HSPB8: variants seen among roughly 807,000 people sequenced by gnomAD.
The protein encoded by HSPB8 is heat shock protein family B (small) member 8.
A neutral mutation model predicts 16.5 loss-of-function variants in HSPB8; 9 were observed. The ratio of observed to expected loss-of-function variants is 0.55; its 90% CI spans 0.33 to 0.95. The LOEUF is 0.95. HSPB8 is among the 40% of genes least tolerant of loss of function. HSPB8 has a pLI of 0.03. For missense variants in HSPB8, 238 were observed against 251.2 expected (o/e 0.95, Z 0.35); for synonymous variants, 99 against 94.8 (o/e 1.04, Z -0.26).
rs780751241 is a variant in HSPB8, at chr12:119,179,376, C to T, written c.64C>T (p.Arg22Trp). The change falls in exon 1 of 3, where the codon CGG (arginine) becomes TGG (tryptophan). Residue 22 changes from arginine to tryptophan, a missense_variant. Coordinates refer to ENST00000281938, the MANE Select transcript of HSPB8 (RefSeq NM_014365.3). ...YPSRLRRDPFRDSPLSSRLLD... is the reference protein window; with the variant it reads ...YPSRLRRDPFWDSPLSSRLLD... ...AAGCCGCCTGCGCCGAGACCCCTTC[C>T]GGGACTCTCCCCTCTCCTCTCGCCT... is the stretch of plus-strand genomic sequence containing the variant. 2.5e-6 allele frequency: 4 copies of T among 1,614,032 alleles called. No homozygotes were observed. Among genetic ancestry groups the T allele is most frequent in the African/African-American group, 1.3e-5 (1 of 74,940 alleles).
intron 1 of HSPB8, among the ~76,000 whole-genome samples, chr12:119,184,847 T>C (rs1331398030): frequency 6.6e-6 from 1 of 152,222 alleles, no homozygotes; most frequent in Non-Finnish European, 1.5e-5. Flanking sequence ...ATTGGTTAAA[T>C]TAGCTCTTAT....
At chr12:119,192,459 A>G (rs1049932086) in intron 2 of HSPB8, among the ~76,000 whole-genome samples, 10 of 152,168 alleles carry the variant, frequency 6.6e-5, no homozygotes, top group Admixed American at 3.9e-4. Context: ...GTTCGAGACC[A>G]GCCTGGCCAA....
At chr12:119,182,426 G>A (rs949392195) in intron 1 of HSPB8, among the ~76,000 whole-genome samples, 4 of 152,076 alleles carry the variant, frequency 2.6e-5, no homozygotes, top group Admixed American at 2.6e-4. Context: ...ATCGCTTAAG[G>A]TCAGGAGTCT....
intron 2 of HSPB8, among the ~76,000 whole-genome samples, chr12:119,189,921 C>T (rs1246447088): frequency 6.6e-6 from 1 of 152,218 alleles, no homozygotes; most frequent in East Asian, 1.9e-4. Context: ...GACATGCACC[C>T]ATCCCTTCTG....
In HSPB8 at chr12:119,179,695, G is replaced by A; in HGVS notation, c.367+16G>A. On this transcript the variant is annotated intron_variant, in intron 1 of 2. Transcript: ENST00000281938. ...GAGGTGTCTGGTAAGTCAGGGGCAGGAGGGAGAGAGAATGGGGAGGCCGGG... is the reference window on the plus strand; with the variant it reads ...GAGGTGTCTGGTAAGTCAGGGGCAGAAGGGAGAGAGAATGGGGAGGCCGGG... The A allele has an allele frequency of 6.4e-7, 1 of 1,558,140 alleles. No homozygotes were observed. Among genetic ancestry groups the A allele is most frequent in the Non-Finnish European group, 8.6e-7 (1 of 1,156,724 alleles).
intron 1 of HSPB8, among the ~76,000 whole-genome samples, chr12:119,180,525 G>C (rs1261874393): frequency 6.6e-6 from 1 of 152,168 alleles, no homozygotes; most frequent in Non-Finnish European, 1.5e-5. Flanking sequence ...CTGAGGCCTA[G>C]GTGGGACTCG....
Position 119,179,247 on chromosome 12 carries a change from G to C in HSPB8, c.-66G>C. Reference sequence around the variant, plus strand: ...GCTAGCCCAGCCACACCACCTTGTTGTGTGACCTTGGGCAGGTGGTTCTGT... The same window carrying C: ...GCTAGCCCAGCCACACCACCTTGTTCTGTGACCTTGGGCAGGTGGTTCTGT... On this transcript the variant is annotated 5_prime_UTR_variant, in exon 1 of 3. Coordinates refer to ENST00000281938, the MANE Select transcript of HSPB8 (RefSeq NM_014365.3). The C allele has an allele frequency of 1.3e-6, 2 of 1,534,258 alleles. No homozygotes were observed. The highest frequency in any genetic ancestry group is 1.8e-6 in the Non-Finnish European group (2 of 1,112,586).
At chr12:119,182,902 G>A (rs1227592954) in intron 1 of HSPB8, 1 of 152,204 alleles carries the variant, frequency 6.6e-6, no homozygotes, top group East Asian at 1.9e-4. Flanking sequence ...CCCTGGCAGT[G>A]TCTGACATTC....
At chr12:119,180,471 C>T (rs1012013915) in intron 1 of HSPB8, among the ~76,000 whole-genome samples, 1 of 152,286 alleles carries the variant, frequency 6.6e-6, no homozygotes, top group African/African-American at 2.4e-5. Context: ...CATCCTCAGT[C>T]CACTCCAGGG....
At chr12:119,189,451 G>A (rs754788813) in intron 2 of HSPB8, among the ~76,000 whole-genome samples, 19 of 151,992 alleles carry the variant, frequency 1.3e-4, no homozygotes, top group Non-Finnish European at 2.5e-4. Context: ...TGGGCTAGTT[G>A]TTAAAATATT....
chr12:119,193,618 A>T, intron 2 of HSPB8, 81 bp from the exon 3 acceptor site: 1 of 1,496,486 alleles, frequency 6.7e-7, no homozygotes, highest in Non-Finnish European at 9.3e-7. Context: ...TCTTATCAAA[A>T]ATATTTCCTC....
In HSPB8 at chr12:119,194,316, T is replaced by G. The variant is rs1293541782; in HGVS notation, c.*458T>G. ...TGAAACCCAGTAGCTAACCCCACTG[T>G]GCTTCCACATGCCTGGCCTAAAATG... On this transcript the variant is annotated 3_prime_UTR_variant, in exon 3 of 3. Transcript: ENST00000281938. 3.8e-6 allele frequency: 1 copy of G among 261,658 alleles called. No homozygotes were observed. Among genetic ancestry groups the G allele is most frequent in the African/African-American group, 2.2e-5 (1 of 44,674 alleles). 16.2% of individuals were successfully genotyped at this position (261,658 alleles called of 1,614,324 possible).
intron 2 of HSPB8, among the ~76,000 whole-genome samples, chr12:119,193,497 C>T (rs1051656485): frequency 1.3e-5 from 2 of 152,134 alleles, no homozygotes; most frequent in Non-Finnish European, 2.9e-5. Flanking sequence ...CCTCATTTTG[C>T]AGATGAGAAA....
Position 119,192,768 on chromosome 12 carries a change from A to G in HSPB8, c.432-931A>G, listed in dbSNP as rs762550132. On this transcript the variant is annotated intron_variant, in intron 2 of 2. Coordinates refer to ENST00000281938, the MANE Select transcript of HSPB8 (RefSeq NM_014365.3). ...AGACTACATAATTGATATATATATG[A>G]AAAAAAGAGTTTTAATGGACTCACA... 1.7e-3 allele frequency among the ~76,000 whole-genome samples: 252 copies of G among 152,274 alleles called. 1 individual carries two copies. Among genetic ancestry groups the G allele is most frequent in the Non-Finnish European group, 3.2e-3 (215 of 68,020 alleles).
chr12:119,187,007 C>T lies in HSPB8; in HGVS notation c.368-18C>T. 3 of 1,613,520 alleles carry T rather than the reference C, an allele frequency of 1.9e-6. No individual in the cohort carries two copies. The highest frequency in any genetic ancestry group is 2.5e-6 in the Non-Finnish European group (3 of 1,179,526). ...AAGGAACATAGATGCTGACACGCCACACTTTTCTTCCTTCCAGGCAAACAT... is the reference window on the plus strand; with the variant it reads ...AAGGAACATAGATGCTGACACGCCATACTTTTCTTCCTTCCAGGCAAACAT... On this transcript the variant is annotated intron_variant, in intron 1 of 2. Transcript: ENST00000281938.
intron 1 of HSPB8, chr12:119,186,786 G>T (rs556792906): frequency 3.7e-6 from 2 of 536,904 alleles, no homozygotes; most frequent in Non-Finnish European, 6.7e-6. Flanking sequence ...TACAAACCAC[G>T]GTCTACGCCT....
intron 1 of HSPB8, among the ~76,000 whole-genome samples, chr12:119,185,158 G>GT (rs1036369490): frequency 7.3e-5 from 11 of 150,020 alleles, no homozygotes; most frequent in Middle Eastern, 3.4e-3. Context: ...TGTTATTGTT[G>GT]TTTTTTTTAA....
At chr12:119,192,935 T>C (rs1484426556) in intron 2 of HSPB8, among the ~76,000 whole-genome samples, 1 of 151,984 alleles carries the variant, frequency 6.6e-6, no homozygotes, top group Non-Finnish European at 1.5e-5. Flanking sequence ...TTCCCTACCA[T>C]GAGAACAGTA....
rs1954729819 is a variant in HSPB8, at chr12:119,194,089, C to A, written c.*231C>A. On this transcript the variant is annotated 3_prime_UTR_variant, in exon 3 of 3. Transcript: ENST00000281938. Reference sequence around the variant, plus strand: ...TAGGCCAAAATACTAGTTTTGCTTTCTTTACCTTTTCTATCTTGATGAAAA... The same window carrying A: ...TAGGCCAAAATACTAGTTTTGCTTTATTTACCTTTTCTATCTTGATGAAAA... 9 of 576,476 alleles carry A rather than the reference C, an allele frequency of 1.6e-5. No homozygotes were observed. The East Asian group carries it at 2.4e-4, about 15-fold the overall frequency. The allele number at this position is 576,476 out of a possible 1,614,324, so 35.7% of individuals were successfully genotyped here.
Sources: allele counts gnomAD v4.1 joint callset (sites outside exome capture counted in the v4.1 genomes callset), GRCh38; gene constraint gnomAD v4.1.1; transcripts MANE v1.5; gene names NCBI Gene and HGNC (gene_info 2026-07-23, HGNC 2026-07-21).